Variants in MGAM2 observed in about 807,000 individuals in gnomAD.
MGAM2 encodes probable maltase-glucoamylase 2.
In MGAM2, 98 loss-of-function variants were observed where a neutral mutation model predicts 96.1. That is an observed-to-expected ratio of 1.02 (90% CI 0.87 to 1.21). MGAM2 has a LOEUF of 1.21. Among genes scored for constraint, MGAM2 ranks in the 50% most tolerant of loss-of-function variants. The probability of loss-of-function intolerance (pLI) is 0.00; values close to 1 mark genes in which losing one functional copy is unlikely to be tolerated. For missense variants in MGAM2, 2,055 were observed against 1,182.4 expected (o/e 1.74, Z -10.82); for synonymous variants, 749 against 414.8 (o/e 1.81, Z -9.79).
intron 15 of MGAM2, among the ~76,000 whole-genome samples, chr7:142,152,037 A>T (rs1795594239): frequency 6.6e-6 from 1 of 151,782 alleles, no homozygotes; most frequent in African/African-American, 2.4e-5. Flanking sequence ...CTCTAGGCTG[A>T]AAGCCGAAGG....
chr7:142,168,439 T>C (rs1796094291), intron 26 of MGAM2, among the ~76,000 whole-genome samples: 1 of 152,050 alleles, frequency 6.6e-6, no homozygotes, highest in Admixed American at 6.6e-5. Context: ...CCAGCTAATT[T>C]TTTGTATTTT....
rs758575673 is a variant in MGAM2 at position 142,134,137 on chromosome 7, C to T, written c.732C>T (p.Asp244=). 9 of 750,510 alleles carry T rather than the reference C, an allele frequency of 1.2e-5. No individual in the cohort carries two copies. Among genetic ancestry groups the T allele is most frequent in the African/African-American group, 5.1e-5 (3 of 58,858 alleles). The allele number at this position is 750,510 out of a possible 1,614,324, so 46.5% of individuals were successfully genotyped here. ...TWKTWPIFTR[D]ATPTEGMINL... is the part of the protein sequence containing the mutation. The stretch of plus-strand genomic sequence containing the variant: ...AGACTTGGCCCATCTTCACCCGGGA[C>T]GCTACCCCCACCGAGGTGAGGTGGC... Residue 244 remains aspartate (D), a synonymous_variant, in exon 7 of 48, where the codon GAC becomes GAT. Coordinates refer to ENST00000477922, the MANE Select transcript of MGAM2 (RefSeq NM_001293626.2).
intron 7 of MGAM2, among the ~76,000 whole-genome samples, chr7:142,134,530 G>A (rs1008222409): frequency 6.6e-6 from 1 of 152,108 alleles, no homozygotes; most frequent in Non-Finnish European, 1.5e-5. Flanking sequence ...GACTAAAAAT[G>A]TCTCTTTTGA....
rs1296995478 is a variant in MGAM2, at chr7:142,131,011, T to C, written c.250T>C (p.Cys84Arg). The C allele has an allele frequency of 4.3e-6, 3 of 702,572 alleles. No individual in the cohort carries two copies. Among genetic ancestry groups the C allele is most frequent in the African/African-American group, 3.5e-5 (2 of 57,252 alleles). 43.5% of individuals were successfully genotyped at this position (702,572 alleles called of 1,614,324 possible). The change falls in exon 4 of 48, where the codon TGC becomes CGC. Residue 84 changes from cysteine to arginine, a missense_variant. Coordinates refer to ENST00000477922, the MANE Select transcript of MGAM2 (RefSeq NM_001293626.2). ...TGTGGCAGATGCCAATGTCCCTAGG[T>C]GCTTCTTCCCCTGGAACTGGGGCTA... is the stretch of plus-strand genomic sequence containing the variant. Reference protein sequence around the residue: ...SPVADANVPRCFFPWNWGYEA... With the variant: ...SPVADANVPRRFFPWNWGYEA...
intron 15 of MGAM2, among the ~76,000 whole-genome samples, chr7:142,151,540 A>G (rs557787964): frequency 1.3e-5 from 2 of 152,288 alleles, no homozygotes; most frequent in South Asian, 4.2e-4. Flanking sequence ...TATTCCCATA[A>G]TCTCCTGTTC....
chr7:142,219,947 T>A lies in MGAM2; in HGVS notation c.5436T>A (p.Pro1812=). 1 of 702,872 alleles carries A rather than the reference T, an allele frequency of 1.4e-6. No individual in the cohort carries two copies. The highest frequency in any genetic ancestry group is 2.6e-6 in the Non-Finnish European group (1 of 384,890). 43.5% of individuals were successfully genotyped at this position (702,872 alleles called of 1,614,324 possible). A position where few individuals can be genotyped will look rare whatever the true frequency, so the allele number is the denominator to read the frequency against. ...LTEVTWIDGG[P]VLPTPTKTST... The stretch of plus-strand genomic sequence containing the variant: ...AGGTTACTTGGATTGATGGTGGTCC[T>A]GTACTTCCTACTCCAACTAAGACAA... Residue 1812 remains proline (P), a synonymous_variant, in exon 48 of 48, where the codon CCT becomes CCA. Transcript: ENST00000477922.
chr7:142,198,674 C>T lies in MGAM2; in HGVS notation c.4983C>T (p.Ile1661=). 1 of 703,852 alleles carries T rather than the reference C, an allele frequency of 1.4e-6. No individual in the cohort carries two copies. Among genetic ancestry groups the T allele is most frequent in the Non-Finnish European group, 2.6e-6 (1 of 385,000 alleles). 43.6% of individuals were successfully genotyped at this position (703,852 alleles called of 1,614,324 possible). Reference sequence around the variant, plus strand: ...TCCTGAAGGCTCCCCTTGACCACATCAACCTTCATGTCAGAGGAGGCTACA... The same window carrying T: ...TCCTGAAGGCTCCCCTTGACCACATTAACCTTCATGTCAGAGGAGGCTACA... The part of the protein sequence containing the change: ...RKILKAPLDH[I]NLHVRGGYIL... The change falls in exon 44 of 48, where the codon ATC becomes ATT. Residue 1661 remains isoleucine (I), a synonymous_variant. Transcript: ENST00000477922.
At chr7:142,205,182 G>C (rs192691806) in intron 45 of MGAM2, among the ~76,000 whole-genome samples, 1 of 152,188 alleles carries the variant, frequency 6.6e-6, no homozygotes, top group Admixed American at 6.5e-5. Context: ...CATGACAAGT[G>C]CTTGGTATAT....
At chr7:142,142,462 A>T (rs1442767628) in intron 12 of MGAM2, among the ~76,000 whole-genome samples, 1 of 151,380 alleles carries the variant, frequency 6.6e-6, no homozygotes, top group East Asian at 1.9e-4. Flanking sequence ...AATAAATGGC[A>T]TGAATCATTT....
intron 27 of MGAM2, among the ~76,000 whole-genome samples, chr7:142,170,676 A>G (rs1796158874): frequency 6.6e-6 from 1 of 152,136 alleles, no homozygotes; most frequent in Admixed American, 6.5e-5. Context: ...TCACAATGTT[A>G]AGCATAAAAG....
Position 142,220,345 on chromosome 7 carries a change from C to T in MGAM2, c.5834C>T (p.Ala1945Val), listed in dbSNP as rs1025068912. Residue 1945 changes from alanine (A) to valine (V), a missense_variant, in exon 48 of 48, where the codon GCA becomes GTA. Coordinates refer to ENST00000477922, the MANE Select transcript of MGAM2 (RefSeq NM_001293626.2). ...ATVPITTTCF[A>V]TSTIGVTTNA... ...GTTCCTATCACAACCACATGTTTTG[C>T]AACAAGTACTATTGGTGTTACAACT... The T allele has an allele frequency of 5.8e-5, 41 of 702,482 alleles. No individual in the cohort carries two copies. The Admixed American group carries it at 8.0e-4, about 14-fold the overall frequency. The allele number at this position is 702,482 out of a possible 1,614,324, so 43.5% of individuals were successfully genotyped here. A position where few individuals can be genotyped will look rare whatever the true frequency, so the allele number is the denominator to read the frequency against.
rs1362110363 is a variant in MGAM2, at chr7:142,220,380, G to C, written c.5869G>C (p.Val1957Leu). ...STIGVTTNAT[V>L]PDTTAPFPTN... is the part of the protein sequence containing the mutation. The stretch of plus-strand genomic sequence containing the variant: ...TATTGGTGTTACAACTAATGCTACT[G>C]TTCCCGATACAACTGCCCCTTTCCC... The change falls in exon 48 of 48, where the codon GTT (valine) becomes CTT (leucine). Residue 1957 changes from valine (V) to leucine (L), a missense_variant. Val to Leu is a conservative substitution (Grantham distance 32). Coordinates refer to ENST00000477922, the MANE Select transcript of MGAM2 (RefSeq NM_001293626.2). 1.4e-6 allele frequency: 1 copy of C among 702,422 alleles called. No individual in the cohort carries two copies. The highest frequency in any genetic ancestry group is 2.6e-6 in the Non-Finnish European group (1 of 384,862). The allele number at this position is 702,422 out of a possible 1,614,324, so 43.5% of individuals were successfully genotyped here. A position where few individuals can be genotyped will look rare whatever the true frequency, so the allele number is the denominator to read the frequency against.
chr7:142,142,427 A>G (rs1795256760), intron 12 of MGAM2, among the ~76,000 whole-genome samples: 1 of 152,042 alleles, frequency 6.6e-6, no homozygotes, highest in Non-Finnish European at 1.5e-5. Flanking sequence ...ACAAATAATG[A>G]ATTAGATAGT....
intron 31 of MGAM2, among the ~76,000 whole-genome samples, chr7:142,174,058 A>T (rs1796288071): frequency 6.6e-6 from 1 of 152,130 alleles, no homozygotes; most frequent in Admixed American, 6.5e-5. Context: ...TTGTACCAGT[A>T]CCATGCTGTT....
rs1563257199 is a variant in MGAM2 at position 142,142,527 on chromosome 7, T to TTTTTTTG, written c.1318-1236_1318-1235insGTTTTTT. 3.6e-5 allele frequency among the ~76,000 whole-genome samples: 5 copies of TTTTTTTG among 137,876 alleles called. 1 individual carries two copies. The highest frequency in any genetic ancestry group is 6.3e-5 in the Non-Finnish European group (4 of 63,596). 90.5% of individuals were successfully genotyped at this position (137,876 alleles called of 152,430 possible). On this transcript the variant is annotated intron_variant, in intron 12 of 47. Coordinates refer to ENST00000477922, the MANE Select transcript of MGAM2 (RefSeq NM_001293626.2). ...GTGGAGGTGCATAGTGGTGTGTGTT[T>TTTTTTTG]TTTTTTTTTTTTTTTTTTTTTGAGA...
At chr7:142,152,348 T>C (rs572376936) in intron 15 of MGAM2, among the ~76,000 whole-genome samples, 1 of 152,308 alleles carries the variant, frequency 6.6e-6, no homozygotes, top group South Asian at 2.1e-4. Flanking sequence ...CAGCCAGTGG[T>C]AATAAAAGCA....
rs1795125745 is a variant in MGAM2, at chr7:142,138,520, A to G, written c.961-22A>G. ...GGGGCTAATGTTATTCTCAAAGCCT[A>G]CACACTTACTTATCTTTTCAGCTTG... On this transcript the variant is annotated intron_variant, in intron 9 of 47. Transcript: ENST00000477922. The G allele has an allele frequency of 1.0e-5, 7 of 701,536 alleles. No individual in the cohort carries two copies. The Admixed American group carries it at 1.2e-4, about 12-fold the overall frequency. The allele number at this position is 701,536 out of a possible 1,614,324, so 43.5% of individuals were successfully genotyped here. A position where few individuals can be genotyped will look rare whatever the true frequency, so the allele number is the denominator to read the frequency against.
intron 6 of MGAM2, 56 bp downstream of exon 6, chr7:142,132,141 A>G (rs1794908172): frequency 1.6e-6 from 1 of 628,448 alleles, no homozygotes; most frequent in Admixed American, 2.7e-5. Flanking sequence ...AATATTACTC[A>G]TTCTGATTTA....
chr7:142,159,174 T>C, intron 19 of MGAM2, 113 bp from the exon 20 acceptor site: 1 of 639,152 alleles, frequency 1.6e-6, no homozygotes. Context: ...AATGGGATGA[T>C]CTCAACCATC....
Sources: allele counts gnomAD v4.1 joint callset (sites outside exome capture counted in the v4.1 genomes callset), GRCh38; gene constraint gnomAD v4.1.1; transcripts MANE v1.5; gene names NCBI Gene and HGNC (gene_info 2026-07-23, HGNC 2026-07-21).